ANK1: variants seen among roughly 807,000 people sequenced by gnomAD.
ANK1 encodes the protein ankyrin-1.
A neutral mutation model predicts 210.4 loss-of-function variants in ANK1; 51 were observed. The observed-to-expected ratio is 0.24, with a 90% CI of 0.19 to 0.31. The LOEUF (loss-of-function observed/expected upper bound fraction) is 0.31, where lower values mean the gene tolerates loss of function less well. Among genes scored for constraint, ANK1 ranks in the 10% least tolerant of loss-of-function variants. ANK1 has a pLI of 1.00. For missense variants in ANK1, 2,051 were observed against 2,504.4 expected, an observed-to-expected ratio of 0.82 and a Z score of 3.86; for synonymous variants, 967 against 1,025.9, an observed-to-expected ratio of 0.94 and a Z score of 1.10.
chr8:41,709,449 G>C (rs1227206141), intron 16 of ANK1, among the ~76,000 whole-genome samples: 2 of 152,266 alleles, frequency 1.3e-5, no homozygotes, highest in Non-Finnish European at 2.9e-5. Context: ...CAAGGGACTT[G>C]AGGATGTGGG....
chr8:41,692,560 G>C, intron 31 of ANK1, 88 bp downstream of exon 31: 1 of 1,333,138 alleles, frequency 7.5e-7, no homozygotes, highest in African/African-American at 1.4e-5. Flanking sequence ...ACAGAGGGAG[G>C]ACTGCCTGCC....
intron 22 of ANK1, chr8:41,700,350 G>A: frequency 2.1e-6 from 3 of 1,424,512 alleles, no homozygotes; most frequent in Non-Finnish European, 3.0e-6. Flanking sequence ...AAGCAGGAAT[G>A]GATTAGTGAG....
intron 2 of ANK1, 89 bp from the exon 3 acceptor site, chr8:41,734,158 C>T: frequency 8.8e-7 from 1 of 1,141,644 alleles, no homozygotes; most frequent in Non-Finnish European, 1.3e-6. Flanking sequence ...CTTCCCAGCC[C>T]TGAGGTGTTC....
intron 1 of ANK1, among the ~76,000 whole-genome samples, chr8:41,886,820 T>C (rs1394973813): frequency 6.6e-6 from 1 of 152,078 alleles, no homozygotes; most frequent in Non-Finnish European, 1.5e-5. Context: ...CTAAGGGCAA[T>C]TAGGAAGCCA....
At chr8:41,846,061 C>G (rs1810001312) in intron 1 of ANK1, among the ~76,000 whole-genome samples, 1 of 152,172 alleles carries the variant, frequency 6.6e-6, no homozygotes, top group Admixed American at 6.5e-5. Flanking sequence ...AATGATGGAC[C>G]AGCCAGGAGG....
At chr8:41,722,183 G>T (rs538073535) in intron 9 of ANK1, among the ~76,000 whole-genome samples, 1 of 152,178 alleles carries the variant, frequency 6.6e-6, no homozygotes, top group East Asian at 1.9e-4. Context: ...ATAGTCACAC[G>T]GCAAATCAGC....
intron 1 of ANK1, among the ~76,000 whole-genome samples, chr8:41,784,226 AT>A (rs1372552461): frequency 6.6e-6 from 1 of 151,920 alleles, no homozygotes; most frequent in Admixed American, 6.6e-5. Flanking sequence ...ACTTCACTAT[AT>A]TTCTCTACCC....
chr8:41,717,127 C>A, intron 12 of ANK1, 76 bp from the exon 13 acceptor site: 3 of 1,524,390 alleles, frequency 2.0e-6, no homozygotes, highest in Non-Finnish European at 2.7e-6. Flanking sequence ...CTAGGAAGTG[C>A]AGTCTGGAGT....
rs1473569323 is a variant in ANK1 at position 41,696,440 on chromosome 8, C to T, written c.2883G>A (p.Thr961=). 4 of 1,613,122 alleles carry T rather than the reference C, an allele frequency of 2.5e-6. No homozygotes were observed. The highest frequency in any genetic ancestry group is 1.3e-5 in the African/African-American group (1 of 74,934). Residue 961 remains threonine, a synonymous_variant, in exon 26 of 43, where the codon ACG becomes ACA. Coordinates refer to ENST00000289734, the MANE Select transcript of ANK1 (RefSeq NM_000037.4). ...CRLVKPQKLS[T]PPPLAEEEGL... is the part of the protein sequence containing the mutation. ...CCTCCTCCTCGGCCAGTGGGGGCGG[C>T]GTGCTGAGCTTCTGGGGCTTGACCA... is the stretch of plus-strand genomic sequence containing the variant.
chr8:41,665,003 C>A, intron 39 of ANK1: 1 of 1,614,020 alleles, frequency 6.2e-7, no homozygotes, highest in South Asian at 1.1e-5. Context: ...TGACCAACAG[C>A]TGGGTGACGA....
chr8:41,688,626 C>T (rs940327219), intron 33 of ANK1, 37 bp from the exon 34 acceptor site: 1 of 1,579,758 alleles, frequency 6.3e-7, no homozygotes, highest in Middle Eastern at 1.7e-4. Flanking sequence ...GTTTTGGACT[C>T]TCCCCACCTT....
intron 1 of ANK1, among the ~76,000 whole-genome samples, chr8:41,796,799 T>G (rs958912667): frequency 6.6e-6 from 1 of 151,946 alleles, no homozygotes; most frequent in East Asian, 1.9e-4. Context: ...CACTGACACA[T>G]GGCACAGGCT....
At chr8:41,677,903 T>C (rs1814714480) in intron 37 of ANK1, among the ~76,000 whole-genome samples, 1 of 152,148 alleles carries the variant, frequency 6.6e-6, no homozygotes, top group Non-Finnish European at 1.5e-5. Context: ...GCTTGTGTTG[T>C]TTCTAATAAG....
chr8:41,736,318 C>A (rs1395205676), intron 2 of ANK1, among the ~76,000 whole-genome samples: 1 of 152,240 alleles, frequency 6.6e-6, no homozygotes, highest in Non-Finnish European at 1.5e-5. Flanking sequence ...GCTTCTGCAT[C>A]TTGCAACTCT....
intron 1 of ANK1, among the ~76,000 whole-genome samples, chr8:41,838,801 G>A (rs1401731617): frequency 1.2e-5 from 1 of 85,366 alleles, no homozygotes; most frequent in African/African-American, 5.4e-5. Context: ...TAAAGGCCGG[G>A]CGCGGTGGCT....
intron 1 of ANK1, among the ~76,000 whole-genome samples, chr8:41,815,078 C>T (rs1289157095): frequency 2.0e-5 from 3 of 152,096 alleles, no homozygotes; most frequent in South Asian, 2.1e-4. Flanking sequence ...AAGGTTTAAA[C>T]ATTTGATTAA....
chr8:41,694,701 T>C lies in ANK1; in HGVS notation c.3218A>G (p.Tyr1073Cys). The stretch of plus-strand genomic sequence containing the variant: ...GCCCCCTTCGGGACCGATGGTGTCG[T>C]AGTCCTGGCAGAGCCGTGACATGAT... ...FVIMSRLCQD[Y>C]DTIGPEGGSL... Residue 1073 changes from tyrosine to cysteine, a missense_variant, in exon 28 of 43, where the codon TAC becomes TGC. Coordinates refer to ENST00000289734, the MANE Select transcript of ANK1 (RefSeq NM_000037.4). The surrounding 1 kb of genome is among the most constrained non-coding windows in gnomAD (Gnocchi z 5.7). 6.2e-7 allele frequency: 1 copy of C among 1,614,124 alleles called. No individual in the cohort carries two copies.
In ANK1 at chr8:41,704,275, A is replaced by G. The variant is rs1290464697; in HGVS notation, c.2196+99T>C. ...TTCCCCCTTTCTTCCTTCAGGGTCCATGGTCAAAACCCTAGTGCTCCCAGA... is the reference window on the plus strand; with the variant it reads ...TTCCCCCTTTCTTCCTTCAGGGTCCGTGGTCAAAACCCTAGTGCTCCCAGA... On this transcript the variant is annotated intron_variant, in intron 19 of 42. Coordinates refer to ENST00000289734, the MANE Select transcript of ANK1 (RefSeq NM_000037.4). This position sits in a 1 kb window ranked among gnomAD's most constrained non-coding sequence, Gnocchi z 4.1. 28 of 1,412,696 alleles carry G rather than the reference A, an allele frequency of 2.0e-5. No individual in the cohort carries two copies. Among genetic ancestry groups the G allele is most frequent in the Non-Finnish European group, 2.8e-5 (28 of 999,360 alleles). The allele number at this position is 1,412,696 out of a possible 1,614,324, so 87.5% of individuals were successfully genotyped here.
chr8:41,691,001 T>C (rs2150586808), intron 31 of ANK1, among the ~76,000 whole-genome samples: 1 of 152,320 alleles, frequency 6.6e-6, no homozygotes, highest in South Asian at 2.1e-4. Context: ...AGTGGGAAGA[T>C]TGCTTAAGTT....
Sources: allele counts gnomAD v4.1 joint callset (sites outside exome capture counted in the v4.1 genomes callset), GRCh38; gene constraint gnomAD v4.1.1; non-coding constraint Gnocchi (gnomAD v3.1); transcripts MANE v1.5; gene names NCBI Gene and HGNC (gene_info 2026-07-23, HGNC 2026-07-21).